The following FALEC variants were observed in gnomAD, a reference collection of about 807,000 sequenced individuals.
FALEC encodes focally amplified lncRNA regulator of ECM1.
chr1:150,532,449 A>G, the FALEC span, among the ~76,000 whole-genome samples: 1 of 152,164 alleles, frequency 6.6e-6, no homozygotes, highest in Non-Finnish European at 1.5e-5. Context: ...TAAAATCACA[A>G]AAGAGTTTTT....
At chr1:150,530,879 C>T in the FALEC span, among the ~76,000 whole-genome samples, 1 of 152,178 alleles carries the variant, frequency 6.6e-6, no homozygotes, top group East Asian at 1.9e-4. Flanking sequence ...TTCCTAATTC[C>T]TCTCATCAGA....
At chr1:150,532,348 G>A in the FALEC span, among the ~76,000 whole-genome samples, 9 of 152,184 alleles carry the variant, frequency 5.9e-5, no homozygotes, top group Non-Finnish European at 1.3e-4. Flanking sequence ...CCACAGAGTT[G>A]GCTGTTACAC....
the FALEC span, among the ~76,000 whole-genome samples, chr1:150,526,065 T>A: frequency 2.0e-5 from 3 of 152,206 alleles, no homozygotes; most frequent in East Asian, 3.8e-4. Context: ...ATTCCTTTTT[T>A]AAAAAGTTTT....
chr1:150,519,879 G>A (rs141687270), downstream of FALEC, among the ~76,000 whole-genome samples: 2,098 of 150,492 alleles, frequency 0.014, 51 homozygotes, highest in African/African-American at 0.048. Flanking sequence ...ATAGGCTGGC[G>A]CAGTGGCTCA....
the FALEC span, among the ~76,000 whole-genome samples, chr1:150,525,457 AAAAC>A: frequency 0.096 from 14,617 of 151,968 alleles, 889 homozygotes; most frequent in African/African-American, 0.15. Flanking sequence ...CATGTCTTAA[AAAAC>A]AAACAAACAA....
chr1:150,526,514 T>C, the FALEC span, among the ~76,000 whole-genome samples: 1 of 152,032 alleles, frequency 6.6e-6, no homozygotes, highest in Non-Finnish European at 1.5e-5. Context: ...GTCGCTGTTA[T>C]CTATTGAACC....
At chr1:150,535,777 T>G in the FALEC span, among the ~76,000 whole-genome samples, 3 of 151,988 alleles carry the variant, frequency 2.0e-5, no homozygotes, top group African/African-American at 7.3e-5. Flanking sequence ...AAAAACAGAG[T>G]GATCCACAAA....
the FALEC span, among the ~76,000 whole-genome samples, chr1:150,524,338 A>C: frequency 6.6e-6 from 1 of 150,640 alleles, no homozygotes; most frequent in Non-Finnish European, 1.5e-5. Flanking sequence ...AAATTTAAAT[A>C]TTATATACAC....
the FALEC span, among the ~76,000 whole-genome samples, chr1:150,531,869 G>C: frequency 6.6e-6 from 1 of 152,276 alleles, no homozygotes; most frequent in Admixed American, 6.5e-5. Context: ...CAGCTATAAA[G>C]GTGTCCCACT....
At chr1:150,518,346 T>C (rs1670596730), downstream of FALEC, among the ~76,000 whole-genome samples, 1 of 151,780 alleles carries the variant, frequency 6.6e-6, no homozygotes, top group South Asian at 2.1e-4. Flanking sequence ...TCAGTTTCTC[T>C]CCTTTTTCCT....
the FALEC span, among the ~76,000 whole-genome samples, chr1:150,528,587 T>TC: frequency 6.6e-6 from 1 of 150,892 alleles, no homozygotes; most frequent in East Asian, 1.9e-4. Context: ...CTATTAATTT[T>TC]TTTTTTTTTT....
downstream of FALEC, among the ~76,000 whole-genome samples, chr1:150,522,973 A>AT (rs1560270867): frequency 5.3e-3 from 162 of 30,690 alleles, 18 homozygotes; most frequent in Non-Finnish European, 7.7e-3. Context: ...ATATATATAT[A>AT]TATATATATA....
At chr1:150,522,234 G>A (rs1447480038), downstream of FALEC, among the ~76,000 whole-genome samples, 1 of 143,576 alleles carries the variant, frequency 7.0e-6, no homozygotes, top group Non-Finnish European at 1.5e-5. Context: ...GTGACAGAGT[G>A]AGACTGTCTC....
the FALEC span, among the ~76,000 whole-genome samples, chr1:150,529,822 C>T: frequency 1.3e-5 from 2 of 152,128 alleles, no homozygotes; most frequent in African/African-American, 2.4e-5. Flanking sequence ...TGGTCTCGAT[C>T]TCCTGACCTC....
At chr1:150,525,752 A>G in the FALEC span, among the ~76,000 whole-genome samples, 1 of 152,142 alleles carries the variant, frequency 6.6e-6, no homozygotes, top group African/African-American at 2.4e-5. Flanking sequence ...GCTGGGCTCA[A>G]GTGATCCTCC....
chr1:150,522,111 G>T (rs1281766848), downstream of FALEC, among the ~76,000 whole-genome samples: 1 of 152,032 alleles, frequency 6.6e-6, no homozygotes, highest in African/African-American at 2.4e-5. Context: ...GCTGGGTGTG[G>T]TGGCCTGTGC....
intron 1 of FALEC, among the ~76,000 whole-genome samples, chr1:150,516,550 A>G (rs1267861964): frequency 5.9e-5 from 9 of 152,254 alleles, no homozygotes; most frequent in Non-Finnish European, 1.3e-4. Flanking sequence ...GAGTTTGGAT[A>G]GAGCCTGGAA....
chr1:150,520,783 C>CTTTTTTTTT (rs71086518), downstream of FALEC, among the ~76,000 whole-genome samples: 209 of 42,842 alleles, frequency 4.9e-3, 11 homozygotes, highest in Non-Finnish European at 5.5e-3. Context: ...CTTTTCTTTT[C>CTTTTTTTTT]TTTTTTTTTT....
chr1:150,526,546 T>TTGCTCTGTTGC, the FALEC span, among the ~76,000 whole-genome samples: 2 of 151,412 alleles, frequency 1.3e-5, no homozygotes, highest in African/African-American at 2.4e-5. Flanking sequence ...TTTTTGATTC[T>TTGCTCTGTTGC]CCTGCCTCAG....
Sources: allele counts gnomAD v4.1 joint callset (sites outside exome capture counted in the v4.1 genomes callset), GRCh38; gene constraint gnomAD v4.1.1; transcripts MANE v1.5; gene names NCBI Gene and HGNC (gene_info 2026-07-23, HGNC 2026-07-21).